ATG16L1: variants seen among roughly 807,000 people sequenced by gnomAD.
The protein encoded by ATG16L1 is autophagy related 16 like 1.
ATG16L1 carries 37 observed loss-of-function variants against 88.5 expected under a neutral mutation model. That is an observed-to-expected ratio of 0.42 (90% confidence interval 0.32 to 0.55). The LOEUF (loss-of-function observed/expected upper bound fraction) is 0.55, where lower values mean the gene tolerates loss of function less well. Among genes scored for constraint, ATG16L1 ranks in the 20% least tolerant of loss-of-function variants. ATG16L1 has a pLI of 0.13. For synonymous variants in ATG16L1, 301 were observed against 281.0 expected (o/e 1.07, Z -0.71); for missense variants, 554 against 752.8 (o/e 0.74, Z 3.09).
At chr2:233,259,127 G>A (rs1046099748) in intron 2 of ATG16L1, among the ~76,000 whole-genome samples, 1 of 152,172 alleles carries the variant, frequency 6.6e-6, no homozygotes, top group African/African-American at 2.4e-5. Flanking sequence ...GGAGGCAGGA[G>A]AACAGGTCTC....
chr2:233,288,020 T>C (rs1471821882), intron 12 of ATG16L1, among the ~76,000 whole-genome samples: 1 of 152,164 alleles, frequency 6.6e-6, no homozygotes, highest in African/African-American at 2.4e-5. Flanking sequence ...TACTGGAGCT[T>C]TCTTGATCTT....
At chr2:233,291,458 T>G (rs550887500) in intron 14 of ATG16L1, among the ~76,000 whole-genome samples, 2 of 152,324 alleles carry the variant, frequency 1.3e-5, no homozygotes, top group South Asian at 4.1e-4. Flanking sequence ...AGATAAATTC[T>G]TGCTTAGTTA....
chr2:233,253,081 G>GTGTGTT lies in ATG16L1; in HGVS notation c.115+1151_115+1156dup, dbSNP rs1204745242. On this transcript the variant is annotated intron_variant, in intron 1 of 17. Transcript: ENST00000392017. ...TCACAGTACACAAGTATCAGTGTGT[G>GTGTGTT]TGTGTTTGTGTTTGTGTGAGATTAA... 7.2e-5 allele frequency among the ~76,000 whole-genome samples: 11 copies of GTGTGTT among 152,286 alleles called. 1 individual carries two copies. The South Asian group carries it at 1.4e-3, about 20-fold the overall frequency.
chr2:233,272,215 C>T (rs1011932660), intron 6 of ATG16L1, among the ~76,000 whole-genome samples: 1 of 152,064 alleles, frequency 6.6e-6, no homozygotes, highest in Non-Finnish European at 1.5e-5. Context: ...GTAGGAAAGA[C>T]GTGGCCCAGA....
chr2:233,254,114 G>A (rs897775431), intron 1 of ATG16L1, among the ~76,000 whole-genome samples: 5 of 151,764 alleles, frequency 3.3e-5, no homozygotes, highest in African/African-American at 1.2e-4. Context: ...ATTGTAAAGC[G>A]TTATCTCTTT....
At chr2:233,290,197 A>G (rs75667825) in intron 13 of ATG16L1, 51 bp from the exon 14 acceptor site, 2 of 1,580,806 alleles carry the variant, frequency 1.3e-6, no homozygotes, top group African/African-American at 1.3e-5. Flanking sequence ...CATTATGTAA[A>G]CAGCCACGTT....
chr2:233,271,147 A>G (rs1193914368), intron 6 of ATG16L1, among the ~76,000 whole-genome samples: 1 of 152,244 alleles, frequency 6.6e-6, no homozygotes, highest in Non-Finnish European at 1.5e-5. Context: ...ATAACAGCTT[A>G]TAAAAGTGTC....
intron 1 of ATG16L1, among the ~76,000 whole-genome samples, chr2:233,253,344 T>TG (rs1378708417): frequency 4.1e-5 from 5 of 122,972 alleles, no homozygotes; most frequent in Non-Finnish European, 3.6e-5. Flanking sequence ...TTTTTTGTTT[T>TG]TTTTTTTTTT....
At chr2:233,257,727 C>T (rs1455683309) in intron 2 of ATG16L1, among the ~76,000 whole-genome samples, 1 of 152,144 alleles carries the variant, frequency 6.6e-6, no homozygotes, top group Non-Finnish European at 1.5e-5. Flanking sequence ...TCAGTGTGTG[C>T]TGGGCTTGGT....
chr2:233,288,612 G>A, intron 12 of ATG16L1: 1 of 398,168 alleles, frequency 2.5e-6, no homozygotes, highest in East Asian at 6.4e-5. Context: ...GAAAACATCA[G>A]TGAATACCTT....
At chr2:233,288,919 C>G (rs1288521037) in intron 12 of ATG16L1, 1 of 518,560 alleles carries the variant, frequency 1.9e-6, no homozygotes, top group Admixed American at 1.9e-5. Context: ...TGGCTATGAT[C>G]TGCCTTGTTC....
intron 6 of ATG16L1, 34 bp from the exon 7 acceptor site, chr2:233,272,932 G>A (rs1439125374): frequency 6.4e-7 from 1 of 1,572,656 alleles, no homozygotes; most frequent in South Asian, 1.1e-5. Flanking sequence ...GAACTGTTCA[G>A]GAGAATCAAA....
rs745981475 is a variant in ATG16L1 at position 233,294,408 on chromosome 2, C to T, written c.*58C>T. 6 of 1,377,660 alleles carry T rather than the reference C, an allele frequency of 4.4e-6. No homozygotes were observed. Among genetic ancestry groups the T allele is most frequent in the Non-Finnish European group, 6.1e-6 (6 of 976,874 alleles). 85.3% of individuals were successfully genotyped at this position (1,377,660 alleles called of 1,614,324 possible). ...CCTCCTCAGAAGAAGCACATGGGCT[C>T]CTGCAGCCCTGTCCTGGCAGGTGAT... On this transcript the variant is annotated 3_prime_UTR_variant, in exon 18 of 18. Coordinates refer to ENST00000392017, the MANE Select transcript of ATG16L1 (RefSeq NM_030803.7).
chr2:233,289,828 C>A, intron 12 of ATG16L1, 26 bp from the exon 13 acceptor site: 1 of 1,607,448 alleles, frequency 6.2e-7, no homozygotes, highest in Non-Finnish European at 8.5e-7. Flanking sequence ...CCCTGAGGCT[C>A]ACCCTGGCTG....
intron 12 of ATG16L1, among the ~76,000 whole-genome samples, chr2:233,283,694 G>A (rs1345832568): frequency 1.3e-5 from 2 of 151,732 alleles, no homozygotes; most frequent in East Asian, 3.9e-4. Flanking sequence ...AGGATTACAG[G>A]CATGGCTAAT....
chr2:233,293,214 G>A (rs1297291442), intron 16 of ATG16L1, 42 bp from the exon 17 acceptor site: 2 of 1,534,324 alleles, frequency 1.3e-6, no homozygotes, highest in Admixed American at 1.7e-5. Flanking sequence ...TGAATTGGGG[G>A]TGGGGAATTG....
chr2:233,279,020 T>A (rs1415249890), intron 10 of ATG16L1, among the ~76,000 whole-genome samples: 1 of 151,918 alleles, frequency 6.6e-6, no homozygotes, highest in Non-Finnish European at 1.5e-5. Flanking sequence ...ACAAAAAAAA[T>A]ATTAAAAAGT....
chr2:233,293,381 C>A (rs751059659), intron 17 of ATG16L1, 24 bp downstream of exon 17: 3 of 1,600,286 alleles, frequency 1.9e-6, no homozygotes, highest in Non-Finnish European at 2.6e-6. Flanking sequence ...TGTCTCAGCC[C>A]CCCGTTGCGT....
chr2:233,286,096 C>G (rs890586147), intron 12 of ATG16L1, among the ~76,000 whole-genome samples: 1 of 152,156 alleles, frequency 6.6e-6, no homozygotes, highest in Non-Finnish European at 1.5e-5. Context: ...TGAGGATTGG[C>G]TATGGCTGCT....
Sources: allele counts gnomAD v4.1 joint callset (sites outside exome capture counted in the v4.1 genomes callset), GRCh38; gene constraint gnomAD v4.1.1; transcripts MANE v1.5; gene names NCBI Gene and HGNC (gene_info 2026-07-23, HGNC 2026-07-21).